ACER2: variants seen among roughly 807,000 people sequenced by gnomAD.
ACER2 encodes alkaline ceramidase 2.
Under a neutral mutation model 34.7 loss-of-function variants are expected in ACER2, and 26 were observed. That is an observed-to-expected ratio of 0.75 (90% CI 0.55 to 1.04). The LOEUF (loss-of-function observed/expected upper bound fraction) is 1.04, where lower values mean the gene tolerates loss of function less well. ACER2 is among the 50% of genes least tolerant of loss of function. The pLI, the probability that ACER2 is intolerant of heterozygous loss-of-function variation, is 0.00. For synonymous variants in ACER2, 138 were observed against 132.1 expected, an observed-to-expected ratio of 1.04 and a Z score of -0.31; for missense variants, 352 against 340.8, an observed-to-expected ratio of 1.03 and a Z score of -0.26.
chr9:19,433,457 G>A (rs1211118691), intron 3 of ACER2, among the ~76,000 whole-genome samples: 1 of 151,922 alleles, frequency 6.6e-6, no homozygotes, highest in Non-Finnish European at 1.5e-5. Context: ...GTTTCAGAGA[G>A]CACAGGGTTG....
At chr9:19,414,111 C>T (rs1830166864) in intron 1 of ACER2, among the ~76,000 whole-genome samples, 1 of 152,178 alleles carries the variant, frequency 6.6e-6, no homozygotes, top group Non-Finnish European at 1.5e-5. Flanking sequence ...CCAAACTTGT[C>T]CTGGGTTTTT....
At chr9:19,444,449 G>T (rs1478700013) in intron 4 of ACER2, among the ~76,000 whole-genome samples, 2 of 152,102 alleles carry the variant, frequency 1.3e-5, no homozygotes, top group African/African-American at 4.8e-5. Flanking sequence ...CCTGACCTCT[G>T]GTCCGCCCGC....
In ACER2 at chr9:19,446,268, G is replaced by A. The variant is rs754296175; in HGVS notation, c.504-13G>A. The A allele has an allele frequency of 1.9e-6, 3 of 1,614,104 alleles. No individual in the cohort carries two copies. Among genetic ancestry groups the A allele is most frequent in the Admixed American group, 1.7e-5 (1 of 60,016 alleles). ...AGGTCTGACGATGAGTGACTCTCTG[G>A]ACCCCCGTGCAGGTGTGACAACATG... On this transcript the variant is annotated splice_polypyrimidine_tract_variant and intron_variant, in intron 4 of 5. Transcript: ENST00000340967.
At chr9:19,429,342 GT>G (rs1830680276) in intron 3 of ACER2, among the ~76,000 whole-genome samples, 1 of 151,750 alleles carries the variant, frequency 6.6e-6, no homozygotes, top group African/African-American at 2.4e-5. Context: ...TTTTTGTTTT[GT>G]TTTTTGGAGA....
chr9:19,422,909 G>A (rs1225156097), intron 1 of ACER2, among the ~76,000 whole-genome samples: 1 of 151,688 alleles, frequency 6.6e-6, no homozygotes, highest in African/African-American at 2.4e-5. Context: ...GTGAGCGCCT[G>A]TAATCCCAAC....
chr9:19,438,321 A>C (rs141998048), intron 4 of ACER2, among the ~76,000 whole-genome samples: 7 of 152,186 alleles, frequency 4.6e-5, no homozygotes, highest in Admixed American at 2.6e-4. Context: ...CCTTGCCACT[A>C]TGTTTCAGCA....
chr9:19,434,867 C>T, intron 3 of ACER2, 80 bp from the exon 4 acceptor site: 8 of 1,564,018 alleles, frequency 5.1e-6, no homozygotes, highest in Admixed American at 1.7e-5. Context: ...CTGGCAATGC[C>T]TGTACCTTGC....
chr9:19,411,469 C>T (rs1461777534), intron 1 of ACER2, among the ~76,000 whole-genome samples: 1 of 152,168 alleles, frequency 6.6e-6, no homozygotes. Flanking sequence ...ACTGCGACCT[C>T]CACCTCCAGG....
At chr9:19,420,117 G>A (rs1262506941) in intron 1 of ACER2, among the ~76,000 whole-genome samples, 1 of 152,180 alleles carries the variant, frequency 6.6e-6, no homozygotes, top group Non-Finnish European at 1.5e-5. Context: ...TGGTTTCTTA[G>A]GTCTGGTAAA....
In ACER2 at chr9:19,424,746, G is replaced by C; in HGVS notation, c.270G>C (p.Gln90His). The change falls in exon 3 of 6, where the codon CAG becomes CAC. Residue 90 changes from glutamine to histidine, a missense_variant. By Grantham distance (24) the Gln-to-His change is conservative (BLOSUM62 0). Coordinates refer to ENST00000340967, the MANE Select transcript of ACER2 (RefSeq NM_001010887.3). The stretch of plus-strand genomic sequence containing the variant: ...ATGCAACCCTTAGTTTCTTGGGTCA[G>C]ATGCTTGATGAACTTGCAGTCCTTT... ...YFHATLSFLGQMLDELAVLWV... is the reference protein window; with the variant it reads ...YFHATLSFLGHMLDELAVLWV... 1.9e-6 allele frequency: 3 copies of C among 1,614,134 alleles called. No individual in the cohort carries two copies. The highest frequency in any genetic ancestry group is 2.5e-6 in the Non-Finnish European group (3 of 1,180,030).
chr9:19,412,037 GAGTTATCTTGA>G (rs1387685115), intron 1 of ACER2, among the ~76,000 whole-genome samples: 1 of 152,202 alleles, frequency 6.6e-6, no homozygotes, highest in Non-Finnish European at 1.5e-5. Flanking sequence ...TCTACCAAGA[GAGTTATCTTGA>G]AGCTATAAGT....
At chr9:19,414,438 T>C (rs920510454) in intron 1 of ACER2, among the ~76,000 whole-genome samples, 4 of 152,160 alleles carry the variant, frequency 2.6e-5, no homozygotes, top group African/African-American at 9.7e-5. Flanking sequence ...TTGTAGCAAA[T>C]GTTATGTGGA....
chr9:19,434,203 C>A (rs1830870707), intron 3 of ACER2, among the ~76,000 whole-genome samples: 2 of 151,746 alleles, frequency 1.3e-5, no homozygotes, highest in South Asian at 4.2e-4. Context: ...CTCCTCACTT[C>A]CTAGATGTGA....
intron 1 of ACER2, among the ~76,000 whole-genome samples, chr9:19,420,629 A>G (rs971833422): frequency 1.3e-5 from 2 of 152,220 alleles, no homozygotes; most frequent in Non-Finnish European, 2.9e-5. Flanking sequence ...TAAAAAGTTA[A>G]AAATGGAATT....
intron 3 of ACER2, 47 bp downstream of exon 3, chr9:19,424,888 C>G (rs375820678): frequency 1.2e-6 from 2 of 1,606,054 alleles, no homozygotes; most frequent in East Asian, 2.2e-5. Flanking sequence ...GGTGCAGTAC[C>G]CAATATAACA....
chr9:19,439,891 C>T (rs1321442349), intron 4 of ACER2, among the ~76,000 whole-genome samples: 3 of 152,142 alleles, frequency 2.0e-5, no homozygotes, highest in Admixed American at 2.0e-4. Flanking sequence ...CACTTGAATC[C>T]AGGAGGCGGA....
chr9:19,428,930 C>G (rs1241626277), intron 3 of ACER2, among the ~76,000 whole-genome samples: 1 of 151,748 alleles, frequency 6.6e-6, no homozygotes, highest in Admixed American at 6.6e-5. Flanking sequence ...GCTAGAATTA[C>G]AGGCACTTGC....
Position 19,422,752 on chromosome 9 carries a change from C to T in ACER2, c.109-1110C>T, listed in dbSNP as rs114427534. ...TTATCTTTAAAAACACAAAAGCAGG[C>T]GGGCGCAGTGGCTCATGCCTATAAT... On this transcript the variant is annotated intron_variant, in intron 1 of 5. Transcript: ENST00000340967. Among the ~76,000 whole-genome samples, 1,493 of 151,218 alleles carry T rather than the reference C, an allele frequency of 9.9e-3. 26 individuals are homozygous for T. The highest frequency in any genetic ancestry group is 0.034 in the African/African-American group (1,411 of 41,166).
At chr9:19,430,730 G>A (rs7875622) in intron 3 of ACER2, among the ~76,000 whole-genome samples, 1 of 152,028 alleles carries the variant, frequency 6.6e-6, no homozygotes, top group Non-Finnish European at 1.5e-5. Context: ...GGCTGAGGCA[G>A]GTGGATCACC....
Sources: gnomAD v4.1 joint callset for allele counts (sites outside exome capture counted in the v4.1 genomes callset) on GRCh38, gnomAD v4.1.1 for gene constraint, MANE v1.5 for transcripts, NCBI Gene and HGNC (gene_info 2026-07-23, HGNC 2026-07-21) for gene names.